Variants in COG3 observed in about 807,000 individuals in gnomAD.
The protein encoded by COG3 is conserved oligomeric Golgi complex subunit 3.
A neutral mutation model predicts 114.1 loss-of-function variants in COG3; 32 were observed. The ratio of observed to expected loss-of-function variants is 0.28; its 90% CI spans 0.21 to 0.38. The LOEUF (loss-of-function observed/expected upper bound fraction) is 0.38, where lower values mean the gene tolerates loss of function less well. Among genes scored for constraint, COG3 ranks in the 10% least tolerant of loss-of-function variants. The pLI is 1.00. For synonymous variants in COG3, 352 were observed against 365.7 expected (o/e 0.96, Z 0.43); for missense variants, 813 against 973.2 (o/e 0.84, Z 2.19).
In COG3 at chr13:45,535,728, ACCT is replaced by A. The variant is rs1873509761; in HGVS notation, c.*998_*1000del. 1 of 986,630 alleles carries A rather than the reference ACCT, an allele frequency of 1.0e-6. No individual in the cohort carries two copies. The highest frequency in any genetic ancestry group is 1.7e-5 in the African/African-American group (1 of 57,296). The allele number at this position is 986,630 out of a possible 1,614,324, so 61.1% of individuals were successfully genotyped here. Reference sequence around the variant, plus strand: ...ACAGCAGAATACATTTTACCAGCAAACCTAAGGATGACAAACACTATCCACATC... The same window carrying A: ...ACAGCAGAATACATTTTACCAGCAAAAAGGATGACAAACACTATCCACATC... On this transcript the variant is annotated 3_prime_UTR_variant, in exon 23 of 23. Transcript: ENST00000349995.
intron 13 of COG3, among the ~76,000 whole-genome samples, chr13:45,500,049 T>TGA (rs1293316372): frequency 3.3e-5 from 4 of 120,674 alleles, no homozygotes; most frequent in Non-Finnish European, 5.1e-5. Context: ...TATGTGTGTG[T>TGA]GTGTGTGTGT....
chr13:45,488,996 T>G (rs1175406932), intron 8 of COG3, among the ~76,000 whole-genome samples: 1 of 151,624 alleles, frequency 6.6e-6, no homozygotes, highest in African/African-American at 2.4e-5. Context: ...GAGACCAGCC[T>G]GGGCAACATG....
chr13:45,477,475 A>G (rs1010389660), intron 2 of COG3, among the ~76,000 whole-genome samples: 2 of 152,238 alleles, frequency 1.3e-5, no homozygotes, highest in African/African-American at 2.4e-5. Context: ...TATGTAACTA[A>G]CAACTATAAT....
At chr13:45,490,297 G>A (rs1331707151) in intron 8 of COG3, among the ~76,000 whole-genome samples, 2 of 152,160 alleles carry the variant, frequency 1.3e-5, no homozygotes, top group Non-Finnish European at 2.9e-5. Context: ...GTGTTTTGGG[G>A]TCCCCACCTG....
Position 45,496,098 on chromosome 13 carries a change from A to C in COG3, c.1328-54A>C, listed in dbSNP as rs1868730177. On this transcript the variant is annotated intron_variant, in intron 12 of 22. Coordinates refer to ENST00000349995, the MANE Select transcript of COG3 (RefSeq NM_031431.4). ...ATTTAGTAACATCTTTGCTTGTTTAAAAGAAAGTGTTTTTCTAAATCTAAA... is the reference window on the plus strand; with the variant it reads ...ATTTAGTAACATCTTTGCTTGTTTACAAGAAAGTGTTTTTCTAAATCTAAA... 3.9e-6 allele frequency: 6 copies of C among 1,540,074 alleles called. No homozygotes were observed. The Admixed American group carries it at 1.1e-4, about 28-fold the overall frequency.
chr13:45,511,850 A>G lies in COG3; in HGVS notation c.1805A>G (p.Asn602Ser). The change falls in exon 16 of 23, where the codon AAC becomes AGC. Residue 602 changes from asparagine to serine, a missense_variant. Transcript: ENST00000349995. ...GGAGCGTCAGAGTCTATCAGCAAAA[A>G]CAAGGTTTGATGAAGTGTTAGGTGA... Reference protein sequence around the residue: ...LLGASESISKNKTQIDGQLFL... With the variant: ...LLGASESISKSKTQIDGQLFL... 4 of 1,611,978 alleles carry G rather than the reference A, an allele frequency of 2.5e-6. No homozygotes were observed. Among genetic ancestry groups the G allele is most frequent in the Non-Finnish European group, 2.5e-6 (3 of 1,178,068 alleles).
chr13:45,513,474 T>C (rs1971578), intron 16 of COG3, among the ~76,000 whole-genome samples: 29,627 of 40,054 alleles, frequency 0.74, 11,477 homozygotes, highest in Admixed American at 0.83. Context: ...ACATATAAAT[T>C]ATATATATAA....
intron 22 of COG3, chr13:45,531,155 C>A: frequency 1.4e-6 from 1 of 735,200 alleles, no homozygotes; most frequent in Non-Finnish European, 1.7e-6. Flanking sequence ...CTGTAGGTTA[C>A]TGGGGTACAG....
Position 45,482,391 on chromosome 13 carries a change from C to A in COG3, c.635C>A (p.Ser212Tyr). Residue 212 changes from serine (S) to tyrosine (Y), a missense_variant, in exon 6 of 23, where the codon TCC (serine) becomes TAC (tyrosine). Coordinates refer to ENST00000349995, the MANE Select transcript of COG3 (RefSeq NM_031431.4). ...ELETINTKLN[S>Y]PTLSVNSDGF... ...CTTTTTCTCTTAAAGAAATTGAATTCCCCTACATTGTCGGTGAATAGTGAC... is the reference window on the plus strand; with the variant it reads ...CTTTTTCTCTTAAAGAAATTGAATTACCCTACATTGTCGGTGAATAGTGAC... 6.6e-7 allele frequency: 1 copy of A among 1,524,356 alleles called. No individual in the cohort carries two copies. The highest frequency in any genetic ancestry group is 9.0e-7 in the Non-Finnish European group (1 of 1,106,634). 94.4% of individuals were successfully genotyped at this position (1,524,356 alleles called of 1,614,324 possible).
chr13:45,501,832 T>C (rs953844626), intron 13 of COG3, among the ~76,000 whole-genome samples: 4 of 152,244 alleles, frequency 2.6e-5, no homozygotes, highest in Non-Finnish European at 5.9e-5. Flanking sequence ...AATAGGTATG[T>C]TCGTTTTAAA....
At chr13:45,505,919 A>G (rs931685073) in intron 14 of COG3, among the ~76,000 whole-genome samples, 2 of 152,022 alleles carry the variant, frequency 1.3e-5, no homozygotes, top group South Asian at 2.1e-4. Context: ...TTTTGGAGAC[A>G]GGGTCTGGTT....
chr13:45,511,158 GTT>G (rs11352257), intron 15 of COG3, among the ~76,000 whole-genome samples: 144 of 147,538 alleles, frequency 9.8e-4, no homozygotes, highest in East Asian at 6.7e-3. Flanking sequence ...TTGGTAACCT[GTT>G]TTTTTTTTTT....
At chr13:45,505,741 G>C (rs575381027) in intron 14 of COG3, among the ~76,000 whole-genome samples, 3 of 152,048 alleles carry the variant, frequency 2.0e-5, no homozygotes, top group Non-Finnish European at 4.4e-5. Context: ...TTACAGGCAT[G>C]GGCCACCATG....
intron 14 of COG3, among the ~76,000 whole-genome samples, chr13:45,508,532 C>T (rs1870502139): frequency 6.6e-6 from 1 of 151,794 alleles, no homozygotes; most frequent in South Asian, 2.1e-4. Context: ...GTCATTGACA[C>T]TTCACCCTTG....
chr13:45,515,095 C>G (rs1871404043), intron 16 of COG3, among the ~76,000 whole-genome samples: 1 of 152,194 alleles, frequency 6.6e-6, no homozygotes, highest in Non-Finnish European at 1.5e-5. Context: ...ATTACAATAG[C>G]TTTAGTGAAG....
intron 13 of COG3, among the ~76,000 whole-genome samples, chr13:45,498,622 C>T (rs954522428): frequency 6.6e-6 from 1 of 151,874 alleles, no homozygotes; most frequent in East Asian, 1.9e-4. Flanking sequence ...AATCAGTTGA[C>T]CATAGATTAA....
chr13:45,467,651 C>T (rs1885231111), intron 1 of COG3, among the ~76,000 whole-genome samples: 1 of 152,196 alleles, frequency 6.6e-6, no homozygotes, highest in East Asian at 1.9e-4. Context: ...TTTGAGAAGG[C>T]AGTTCTCATT....
Position 45,489,055 on chromosome 13 carries a change from G to C in COG3, c.925-1860G>C, listed in dbSNP as rs559919372. On this transcript the variant is annotated intron_variant, in intron 8 of 22. Transcript: ENST00000349995. ...TTACAAAAATTAGCTGGACACGGTGGTGTGCACCTGTGGTCCGGCTACTTG... is the reference window on the plus strand; with the variant it reads ...TTACAAAAATTAGCTGGACACGGTGCTGTGCACCTGTGGTCCGGCTACTTG... Among the ~76,000 whole-genome samples the C allele has an allele frequency of 1.5e-3, 223 of 151,572 alleles. 2 individuals are homozygous for C. Among genetic ancestry groups the C allele is most frequent in the African/African-American group, 4.6e-3 (189 of 41,292 alleles).
intron 13 of COG3, among the ~76,000 whole-genome samples, chr13:45,501,258 A>T (rs527510811): frequency 1.3e-5 from 2 of 152,300 alleles, no homozygotes; most frequent in East Asian, 3.9e-4. Context: ...AATACTTGGA[A>T]CTTCTCTGTA....
Sources: allele counts gnomAD v4.1 joint callset (sites outside exome capture counted in the v4.1 genomes callset), GRCh38; gene constraint gnomAD v4.1.1; transcripts MANE v1.5; gene names NCBI Gene and HGNC (gene_info 2026-07-23, HGNC 2026-07-21).